Variants in LARP1 observed in about 807,000 individuals in gnomAD.
LARP1 encodes the protein la-related protein 1.
LARP1 carries 36 observed loss-of-function variants against 122.7 expected under a neutral mutation model. That is an observed-to-expected ratio of 0.29 (90% CI 0.22 to 0.39). The LOEUF is 0.39. Among genes scored for constraint, LARP1 ranks in the 10% least tolerant of loss-of-function variants. The probability of loss-of-function intolerance (pLI) is 1.00; values close to 1 mark genes in which losing one functional copy is unlikely to be tolerated. For synonymous variants in LARP1, 539 were observed against 528.7 expected (o/e 1.02, Z -0.27); for missense variants, 1,040 against 1,403.6 (o/e 0.74, Z 4.14).
At chr5:154,753,846 C>T (rs1191426484), upstream of LARP1, among the ~76,000 whole-genome samples, 1 of 152,230 alleles carries the variant, frequency 6.6e-6, no homozygotes, top group African/African-American at 2.4e-5. Flanking sequence ...GCTTTGCTGG[C>T]TGGGGCAGTT....
At chr5:154,686,280 T>C (rs1300027616) in intron 1 of LARP1, among the ~76,000 whole-genome samples, 1 of 152,174 alleles carries the variant, frequency 6.6e-6, no homozygotes, top group Non-Finnish European at 1.5e-5. Context: ...GAGGGAGATG[T>C]CACTTCTGGC....
Position 154,814,811 on chromosome 5 carries a change from G to T in LARP1, c.*715G>T, listed in dbSNP as rs983391214. The T allele has an allele frequency of 4.0e-5, 6 of 149,146 alleles. No individual in the cohort carries two copies. The highest frequency in any genetic ancestry group is 1.5e-4 in the African/African-American group (6 of 40,412). 9.2% of individuals were successfully genotyped at this position (149,146 alleles called of 1,614,324 possible). On this transcript the variant is annotated 3_prime_UTR_variant, in exon 19 of 19. Coordinates refer to ENST00000518297, the MANE Select transcript of LARP1 (RefSeq NM_033551.3). The stretch of plus-strand genomic sequence containing the variant: ...CTTTTACCAGGAAAGACTATTGAAA[G>T]ATGTTTTATTTTATTTTTCTCTGAC...
In LARP1 at chr5:154,704,554, T is replaced by C. The variant is rs184831858; in HGVS notation, c.-180+21517T>C. Among the ~76,000 whole-genome samples the C allele has an allele frequency of 4.2e-4, 59 of 139,216 alleles. No individual in the cohort carries two copies. The East Asian group carries it at 0.01, about 25-fold the overall frequency. 91.3% of individuals were successfully genotyped at this position (139,216 alleles called of 152,430 possible). On this transcript the variant is annotated intron_variant, in intron 1 of 18. Transcript: ENST00000687700. ...CCCAGCTACTTGGGAGGCTGAGGCATGAGAATTTCTTGAACCTGGGAGGCA... is the reference window on the plus strand; with the variant it reads ...CCCAGCTACTTGGGAGGCTGAGGCACGAGAATTTCTTGAACCTGGGAGGCA...
intron 1 of LARP1, among the ~76,000 whole-genome samples, chr5:154,703,367 ATGATTGGCAGGTGGAC>A (rs1754810964): frequency 6.6e-6 from 1 of 152,128 alleles, no homozygotes. Flanking sequence ...TCAGGCCTTC[ATGATTGGCAGGTGGAC>A]TGACCAACTG....
chr5:154,713,979 T>C (rs1755354720), intron 1 of LARP1, among the ~76,000 whole-genome samples: 1 of 152,220 alleles, frequency 6.6e-6, no homozygotes, highest in African/African-American at 2.4e-5. Flanking sequence ...TAGATACCGC[T>C]TGTGCTGAAA....
At chr5:154,781,829 C>T (rs939490740) in intron 1 of LARP1, among the ~76,000 whole-genome samples, 6 of 152,144 alleles carry the variant, frequency 3.9e-5, no homozygotes, top group African/African-American at 1.4e-4. Context: ...TTAATTCTTC[C>T]ATTGTGGCTC....
chr5:154,686,222 G>C (rs1179204333), intron 1 of LARP1, among the ~76,000 whole-genome samples: 1 of 152,200 alleles, frequency 6.6e-6, no homozygotes. Flanking sequence ...ACAACTGTGG[G>C]CATAGGATGA....
At chr5:154,765,446 A>G (rs61554631) in intron 1 of LARP1, among the ~76,000 whole-genome samples, 7,846 of 152,244 alleles carry the variant, frequency 0.052, 354 homozygotes, top group African/African-American at 0.13. Flanking sequence ...CCTGCAGTGC[A>G]GCAGTGCAAT....
At chr5:154,757,213 C>G (rs1754028188) in intron 1 of LARP1, 2 of 151,614 alleles carry the variant, frequency 1.3e-5, no homozygotes, top group East Asian at 2.0e-4. Context: ...ATGTGACTGC[C>G]GACCGGCGCT....
intron 10 of LARP1, 41 bp downstream of exon 10, chr5:154,800,083 G>C (rs1758221368): frequency 6.3e-7 from 1 of 1,584,532 alleles, no homozygotes; most frequent in South Asian, 1.1e-5. Context: ...CTAGCACTCT[G>C]AGCTAGGGTG....
At chr5:154,725,394 A>G (rs1561547006) in intron 1 of LARP1, among the ~76,000 whole-genome samples, 1 of 151,100 alleles carries the variant, frequency 6.6e-6, no homozygotes, top group Non-Finnish European at 1.5e-5. Flanking sequence ...GTCTCAAAAA[A>G]AAAAAAAAAA....
chr5:154,813,351 AG>A (rs1467887141), intron 18 of LARP1, among the ~76,000 whole-genome samples: 2 of 152,156 alleles, frequency 1.3e-5, no homozygotes, highest in Admixed American at 6.5e-5. Flanking sequence ...GACCTTTGTT[AG>A]TGGTAAGGCC....
At chr5:154,782,018 T>C (rs1018395504) in intron 1 of LARP1, among the ~76,000 whole-genome samples, 3 of 152,094 alleles carry the variant, frequency 2.0e-5, no homozygotes, top group African/African-American at 4.8e-5. Flanking sequence ...GCACTTTACA[T>C]TGGGCAGTCA....
upstream of LARP1, among the ~76,000 whole-genome samples, chr5:154,711,436 G>A (rs1248567398): frequency 2.0e-5 from 3 of 152,074 alleles, no homozygotes; most frequent in Non-Finnish European, 4.4e-5. Flanking sequence ...CACCGCACCC[G>A]GTAGTGTGGT....
At chr5:154,805,084 C>A in intron 14 of LARP1, 3 of 334,932 alleles carry the variant, frequency 9.0e-6, no homozygotes, top group Non-Finnish European at 1.2e-5. Flanking sequence ...TTACAATAAG[C>A]TAAATAAAAA....
At chr5:154,799,844 G>A (rs1197529825) in intron 9 of LARP1, 29 bp from the exon 10 acceptor site, 1 of 1,611,582 alleles carries the variant, frequency 6.2e-7, no homozygotes, top group Non-Finnish European at 8.5e-7. Context: ...GGACTGGAGG[G>A]ATGAGGACTT....
intron 1 of LARP1, among the ~76,000 whole-genome samples, chr5:154,779,036 C>CTT (rs144191079): frequency 1.7e-3 from 266 of 152,180 alleles, no homozygotes; most frequent in Non-Finnish European, 3.0e-3. Flanking sequence ...CTTACCCCAC[C>CTT]TTTTTTTGGG....
intron 1 of LARP1, among the ~76,000 whole-genome samples, chr5:154,686,740 G>T (rs895320851): frequency 1.3e-5 from 2 of 152,260 alleles, no homozygotes; most frequent in African/African-American, 4.8e-5. Context: ...CTGTTTGATT[G>T]GCACACATGG....
intron 14 of LARP1, chr5:154,804,775 A>T (rs1174973148): frequency 2.2e-6 from 1 of 456,258 alleles, no homozygotes; most frequent in Non-Finnish European, 4.4e-6. Flanking sequence ...TTATTTCAGT[A>T]AGATGGCCCC....
Sources: gnomAD v4.1 joint callset for allele counts (sites outside exome capture counted in the v4.1 genomes callset) on GRCh38, gnomAD v4.1.1 for gene constraint, MANE v1.5 for transcripts, NCBI Gene and HGNC (gene_info 2026-07-23, HGNC 2026-07-21) for gene names.